LAMA2: variants seen among roughly 807,000 people sequenced by gnomAD.
LAMA2 encodes the protein laminin subunit alpha-2.
In LAMA2, 269 loss-of-function variants were observed where a neutral mutation model predicts 364.8. The ratio of observed to expected loss-of-function variants is 0.74; its 90% CI spans 0.67 to 0.82. The LOEUF (loss-of-function observed/expected upper bound fraction) is 0.82. Among genes scored for constraint, LAMA2 ranks in the 40% least tolerant of loss-of-function variants. LAMA2 has a pLI of 0.00. For synonymous variants in LAMA2, 1,379 were observed against 1,370.6 expected, an observed-to-expected ratio of 1.01 and a Z score of -0.14; for missense variants, 3,807 against 3,873.2, an observed-to-expected ratio of 0.98 and a Z score of 0.45.
intron 18 of LAMA2, among the ~76,000 whole-genome samples, chr6:129,285,756 C>A (rs1208821184): frequency 1.3e-5 from 2 of 152,054 alleles, no homozygotes; most frequent in Non-Finnish European, 2.9e-5. Context: ...TTATCTTTAT[C>A]AAATGCCTCT....
At chr6:129,210,934 G>A (rs893393399) in intron 12 of LAMA2, among the ~76,000 whole-genome samples, 1 of 152,068 alleles carries the variant, frequency 6.6e-6, no homozygotes, top group Admixed American at 6.5e-5. Context: ...ACAGTGGCCA[G>A]TAGGCCTGGT....
chr6:129,312,974 T>C lies in LAMA2; in HGVS notation c.3288T>C (p.Gly1096=). 1 of 1,614,070 alleles carries C rather than the reference T, an allele frequency of 6.2e-7. No individual in the cohort carries two copies. The highest frequency in any genetic ancestry group is 8.5e-7 in the Non-Finnish European group (1 of 1,179,958). The change falls in exon 23 of 65, where the codon GGT becomes GGC. Residue 1096 remains glycine (G), a synonymous_variant. Coordinates refer to ENST00000421865, the MANE Select transcript of LAMA2 (RefSeq NM_000426.4). ...SGAKCTECSR[G]HWNYPRCNLC... ...CAAAATGTACAGAGTGCAGTCGAGG[T>C]CACTGGAACTACCCTCGCTGCAATC... is the stretch of plus-strand genomic sequence containing the variant.
At chr6:129,238,069 G>A (rs1227201456) in intron 12 of LAMA2, among the ~76,000 whole-genome samples, 1 of 151,370 alleles carries the variant, frequency 6.6e-6, no homozygotes, top group Non-Finnish European at 1.5e-5. Context: ...GGAGGCTGAG[G>A]CATGAGAATC....
chr6:129,370,038 A>C, intron 34 of LAMA2, 48 bp downstream of exon 34: 1 of 1,445,148 alleles, frequency 6.9e-7, no homozygotes, highest in Non-Finnish European at 9.7e-7. Context: ...AGATTATGTC[A>C]ATGAAGGAAA....
rs1287980597 is a variant in LAMA2 at position 129,486,559 on chromosome 6, G to A, written c.7835G>A (p.Arg2612Lys). 1 of 1,613,996 alleles carries A rather than the reference G, an allele frequency of 6.2e-7. No individual in the cohort carries two copies. The highest frequency in any genetic ancestry group is 8.5e-7 in the Non-Finnish European group (1 of 1,179,916). The stretch of plus-strand genomic sequence containing the variant: ...CGAACAATGAGGAAAATTGTGATCA[G>A]ACCAGAGCCGAATCTGTTTCATGAT... ...GARTMRKIVI[R>K]PEPNLFHDGR... The change falls in exon 56 of 65, where the codon AGA becomes AAA. Residue 2612 changes from arginine to lysine, a missense_variant. Around this residue, in one of 3 missense-constraint regions of LAMA2, gnomAD observed 3,333 missense variants for 3,345.7 expected, o/e 1.00. Coordinates refer to ENST00000421865, the MANE Select transcript of LAMA2 (RefSeq NM_000426.4).
At chr6:129,402,598 AACACAC>A in intron 39 of LAMA2, 111 bp downstream of exon 39, 1 of 1,100,904 alleles carries the variant, frequency 9.1e-7, no homozygotes, top group African/African-American at 1.5e-5. Flanking sequence ...GTTAATTATG[AACACAC>A]TAGCTATATG....
intron 58 of LAMA2, among the ~76,000 whole-genome samples, chr6:129,497,443 G>A (rs1785277034): frequency 6.6e-6 from 1 of 151,948 alleles, no homozygotes; most frequent in Non-Finnish European, 1.5e-5. Flanking sequence ...TCACCATGTT[G>A]GCCAGGCTGG....
chr6:129,119,749 C>G (rs1279205607), intron 4 of LAMA2, among the ~76,000 whole-genome samples: 3 of 152,060 alleles, frequency 2.0e-5, no homozygotes, highest in Non-Finnish European at 4.4e-5. Context: ...GGGGTTTCAC[C>G]GTGTTAGCCA....
At chr6:129,314,821 A>G (rs377678712) in intron 24 of LAMA2, 23 bp downstream of exon 24, 35 of 1,613,376 alleles carry the variant, frequency 2.2e-5, no homozygotes, top group Non-Finnish European at 2.9e-5. Context: ...CTGCTGAGCC[A>G]TGTAATGGTA....
rs774022088 is a variant in LAMA2 at position 129,453,030 on chromosome 6, T to G, written c.6472T>G (p.Tyr2158Asp). 1 of 1,612,950 alleles carries G rather than the reference T, an allele frequency of 6.2e-7. No individual in the cohort carries two copies. Among genetic ancestry groups the G allele is most frequent in the South Asian group, 1.1e-5 (1 of 91,056 alleles). ...VSSGGDCIRTYKPEIKKGSYN... is the reference protein window; with the variant it reads ...VSSGGDCIRTDKPEIKKGSYN... Reference sequence around the variant, plus strand: ...TTCAGGAGGTGACTGCATTCGAACATACAAACCAGAAATCAAGAAAGGAAG... The same window carrying G: ...TTCAGGAGGTGACTGCATTCGAACAGACAAACCAGAAATCAAGAAAGGAAG... Residue 2158 changes from tyrosine (Y) to aspartate (D), a missense_variant, in exon 46 of 65, where the codon TAC becomes GAC. By Grantham distance (160) the Tyr-to-Asp change is radical. This residue lies in a region of LAMA2 where 3,333 missense variants were observed against 3,345.7 expected (regional missense o/e 1.00). Transcript: ENST00000421865.
chr6:129,132,380 A>T (rs1365658598), intron 4 of LAMA2, among the ~76,000 whole-genome samples: 1 of 151,964 alleles, frequency 6.6e-6, no homozygotes, highest in Non-Finnish European at 1.5e-5. Flanking sequence ...GTTAGCCAGG[A>T]TGGTCTCGAT....
At chr6:129,387,033 A>G (rs1779054227) in intron 35 of LAMA2, among the ~76,000 whole-genome samples, 1 of 152,100 alleles carries the variant, frequency 6.6e-6, no homozygotes. Context: ...AATTGCAACA[A>G]TTGATAATAT....
At chr6:129,336,458 A>G (rs541642500) in intron 29 of LAMA2, among the ~76,000 whole-genome samples, 18 of 152,158 alleles carry the variant, frequency 1.2e-4, no homozygotes, top group African/African-American at 4.3e-4. Flanking sequence ...AAAAATAATA[A>G]CTGCTATTAT....
At chr6:129,226,033 A>T (rs1348754033) in intron 12 of LAMA2, among the ~76,000 whole-genome samples, 1 of 152,142 alleles carries the variant, frequency 6.6e-6, no homozygotes, top group Non-Finnish European at 1.5e-5. Flanking sequence ...TTGGGTGCAT[A>T]TATATTTAGG....
At chr6:129,166,199 A>G (rs1428054043) in intron 9 of LAMA2, among the ~76,000 whole-genome samples, 4 of 152,194 alleles carry the variant, frequency 2.6e-5, no homozygotes, top group Non-Finnish European at 4.4e-5. Context: ...GGCTGACACT[A>G]ATTTAAGCTA....
At chr6:129,180,961 G>A (rs577738753) in intron 10 of LAMA2, among the ~76,000 whole-genome samples, 15 of 152,164 alleles carry the variant, frequency 9.9e-5, no homozygotes, top group Non-Finnish European at 1.8e-4. Context: ...TGAACTCCCT[G>A]AAGCAGGGAC....
chr6:129,253,520 C>T (rs1412097505), intron 14 of LAMA2, among the ~76,000 whole-genome samples: 1 of 152,214 alleles, frequency 6.6e-6, no homozygotes, highest in Non-Finnish European at 1.5e-5. Context: ...TTTGCATAGG[C>T]AATTCTTCTA....
intron 64 of LAMA2, 99 bp downstream of exon 64, chr6:129,514,694 T>G: frequency 5.3e-6 from 5 of 942,542 alleles, no homozygotes; most frequent in Non-Finnish European, 8.5e-6. Context: ...TGTGCTTATG[T>G]GTACTTGCTT....
intron 51 of LAMA2, among the ~76,000 whole-genome samples, chr6:129,468,547 CAAAT>C (rs1783655686): frequency 7.3e-5 from 11 of 151,636 alleles, no homozygotes; most frequent in Admixed American, 7.2e-4. Flanking sequence ...ATGTTATAAA[CAAAT>C]AATTCACAAA....
Sources: gnomAD v4.1 joint callset for allele counts (sites outside exome capture counted in the v4.1 genomes callset) on GRCh38, gnomAD v4.1.1 for gene constraint, gnomAD v4.1.1 regional missense constraint, MANE v1.5 for transcripts, NCBI Gene and HGNC (gene_info 2026-07-23, HGNC 2026-07-21) for gene names.